The following SEPTIN4 variants were observed in gnomAD, a reference collection of about 807,000 sequenced individuals.
SEPTIN4 encodes septin-4.
SEPTIN4 carries 52 observed loss-of-function variants against 107.1 expected under a neutral mutation model. The observed-to-expected ratio is 0.49, with a 90% confidence interval of 0.39 to 0.61. The LOEUF is 0.61. SEPTIN4 is among the 20% of genes least tolerant of loss of function. The probability of loss-of-function intolerance (pLI) is 0.00; values close to 1 mark genes in which losing one functional copy is unlikely to be tolerated. For missense variants in SEPTIN4, 1,048 were observed against 1,243.5 expected (o/e 0.84, Z 2.36); for synonymous variants, 417 against 467.0 (o/e 0.89, Z 1.38).
chr17:58,520,437 C>T lies in SEPTIN4; in HGVS notation c.2980G>A (p.Glu994Lys). ...GGGCTGAAAGCCAGTTAATAGTTCTCCTTCATCTGTTTTTGTATTTTGTGT... is the reference window on the plus strand; with the variant it reads ...GGGCTGAAAGCCAGTTAATAGTTCTTCTTCATCTGTTTTTGTATTTTGTGT... ...MLHKIQKQMKENY is the reference protein window; with the variant it reads ...MLHKIQKQMKKNY The change falls in exon 14 of 14, where the codon GAG becomes AAG. Residue 994 changes from glutamate (E) to lysine (K), a missense_variant. Coordinates refer to ENST00000672673, the MANE Select transcript of SEPTIN4 (RefSeq NM_001368771.2). 6.2e-7 allele frequency: 1 copy of T among 1,613,144 alleles called. No homozygotes were observed. Among genetic ancestry groups the T allele is most frequent in the Non-Finnish European group, 8.5e-7 (1 of 1,180,026 alleles).
intron 3 of SEPTIN4, among the ~76,000 whole-genome samples, chr17:58,536,706 C>A (rs1479015300): frequency 1.3e-5 from 2 of 152,206 alleles, no homozygotes; most frequent in Non-Finnish European, 2.9e-5. Context: ...CTTCATTCAG[C>A]CCCCAAGGTG....
intron 3 of SEPTIN4, among the ~76,000 whole-genome samples, chr17:58,536,921 C>G (rs1020254824): frequency 1.3e-5 from 2 of 152,222 alleles, no homozygotes; most frequent in African/African-American, 4.8e-5. Context: ...TCTACCCAGG[C>G]CCACTGTTTC....
At chr17:58,533,094 T>C (rs1161323260) in intron 3 of SEPTIN4, among the ~76,000 whole-genome samples, 2 of 152,220 alleles carry the variant, frequency 1.3e-5, no homozygotes, top group Admixed American at 1.3e-4. Context: ...GCCAGAGGCC[T>C]GCCTGCTGTA....
chr17:58,528,803 C>G (rs1040439586), intron 3 of SEPTIN4, among the ~76,000 whole-genome samples: 20 of 152,154 alleles, frequency 1.3e-4, no homozygotes, highest in African/African-American at 4.8e-4. Flanking sequence ...CCCAGGAGCA[C>G]TGAGTGGAGG....
In SEPTIN4 at chr17:58,520,475, A is replaced by G. The variant is rs1310864767; in HGVS notation, c.2942T>C (p.Met981Thr). Reference protein sequence around the residue: ...IREKDEELRRMQEMLHKIQKQ... With the variant: ...IREKDEELRRTQEMLHKIQKQ... ...TTGTATTTTGTGTAGCATCTCCTGCATCCGCCGCAGCTGGAATAGGCACAG... is the reference window on the plus strand; with the variant it reads ...TTGTATTTTGTGTAGCATCTCCTGCGTCCGCCGCAGCTGGAATAGGCACAG... The change falls in exon 14 of 14, where the codon ATG becomes ACG. Residue 981 changes from methionine to threonine, a missense_variant. By Grantham distance (81) the Met-to-Thr change is moderately conservative (BLOSUM62 -1). Around this residue, in one of 2 missense-constraint regions of SEPTIN4, gnomAD observed 261 missense variants for 371.7 expected, o/e 0.70. Transcript: ENST00000672673. The G allele has an allele frequency of 2.8e-5, 45 of 1,613,540 alleles. No homozygotes were observed. The highest frequency in any genetic ancestry group is 3.6e-5 in the Non-Finnish European group (43 of 1,180,016).
Position 58,543,162 on chromosome 17 carries a change from T to TGTA in SEPTIN4, c.1022_1024dup (p.Val341_Gln342insLeu). On this transcript the variant is annotated inframe_insertion, in exon 1 of 14. Transcript: ENST00000672673. ...CACATGGTGAGTTGGCTCTACTGAC[T>TGTA]GTACCCCTGGGGAGATGGTGACCCT... 6.2e-7 allele frequency: 1 copy of TGTA among 1,613,766 alleles called. No homozygotes were observed. The highest frequency in any genetic ancestry group is 1.7e-4 in the Middle Eastern group (1 of 6,054).
At chr17:58,523,456 C>A (rs933802441) in intron 7 of SEPTIN4, among the ~76,000 whole-genome samples, 10 of 152,086 alleles carry the variant, frequency 6.6e-5, no homozygotes, top group African/African-American at 2.4e-4. Flanking sequence ...CTCTACCCAC[C>A]TGAACCCCTA....
At chr17:58,527,232 C>A in intron 3 of SEPTIN4, 1 of 719,746 alleles carries the variant, frequency 1.4e-6, no homozygotes. Context: ...ACCCCCAGAG[C>A]CCTGGCAACT....
At position 58,543,713 on chromosome 17, in the gene SEPTIN4, C is replaced by T. The variant is rs1475233706; in HGVS notation, c.474G>A (p.Gln158=). 1.2e-6 allele frequency: 2 copies of T among 1,614,106 alleles called. No homozygotes were observed. The highest frequency in any genetic ancestry group is 1.7e-5 in the Admixed American group (1 of 60,016). Residue 158 remains glutamine, a synonymous_variant, in exon 1 of 14, where the codon CAG becomes CAA. Transcript: ENST00000672673. ...SSIPDAKSTH[Q]LSFQDQKNNL... ...TATTCTTCTGGTCTTGAAAACTCAA[C>T]TGATGAGTAGATTTGGCATCTGGGA...
rs746937638 is a variant in SEPTIN4, at chr17:58,520,471, C to A, written c.2946G>T (p.Gln982His). The change falls in exon 14 of 14, where the codon CAG becomes CAT. Residue 982 changes from glutamine (Q) to histidine (H), a missense_variant. By Grantham distance (24) the Gln-to-His change is conservative. Around this residue, in one of 2 missense-constraint regions of SEPTIN4, gnomAD observed 261 missense variants for 371.7 expected, o/e 0.70. Coordinates refer to ENST00000672673, the MANE Select transcript of SEPTIN4 (RefSeq NM_001368771.2). The part of the protein sequence containing the change: ...REKDEELRRM[Q>H]EMLHKIQKQM... The stretch of plus-strand genomic sequence containing the variant: ...GTTTTTGTATTTTGTGTAGCATCTC[C>A]TGCATCCGCCGCAGCTGGAATAGGC... The A allele has an allele frequency of 6.2e-7, 1 of 1,613,704 alleles. No individual in the cohort carries two copies. The highest frequency in any genetic ancestry group is 1.1e-5 in the South Asian group (1 of 91,054).
At chr17:58,535,711 C>T (rs746018252) in intron 3 of SEPTIN4, among the ~76,000 whole-genome samples, 1 of 152,198 alleles carries the variant, frequency 6.6e-6, no homozygotes, top group Non-Finnish European at 1.5e-5. Context: ...TTTTCTCTAC[C>T]AAATTCACCA....
chr17:58,528,069 C>A, intron 3 of SEPTIN4: 3 of 982,112 alleles, frequency 3.1e-6, no homozygotes, highest in Non-Finnish European at 3.6e-6. Context: ...CTCTGCCTCA[C>A]AATACCCACG....
intron 3 of SEPTIN4, among the ~76,000 whole-genome samples, chr17:58,537,836 A>C (rs1435658833): frequency 6.6e-6 from 1 of 151,228 alleles, no homozygotes; most frequent in Non-Finnish European, 1.5e-5. Context: ...TCTCAAAAAA[A>C]AAAAAAAAAA....
intron 3 of SEPTIN4, chr17:58,531,581 G>C (rs1167884353): frequency 6.3e-6 from 1 of 159,640 alleles, no homozygotes; most frequent in Non-Finnish European, 1.4e-5. Context: ...GTGAGGAGGG[G>C]TTACTCAGGT....
intron 12 of SEPTIN4, 44 bp from the exon 13 acceptor site, chr17:58,520,886 C>G (rs1367564707): frequency 3.1e-6 from 5 of 1,613,812 alleles, no homozygotes; most frequent in Non-Finnish European, 4.2e-6. Context: ...GACCCCAGCA[C>G]CCGCTTAGAT....
At chr17:58,523,580 C>A (rs1360458151) in intron 7 of SEPTIN4, among the ~76,000 whole-genome samples, 1 of 151,818 alleles carries the variant, frequency 6.6e-6, no homozygotes. Context: ...CCTGTTGCCA[C>A]TTGACTATAA....
chr17:58,532,045 C>G (rs2144205020), intron 3 of SEPTIN4: 1 of 1,120,216 alleles, frequency 8.9e-7, no homozygotes, highest in Non-Finnish European at 1.1e-6. Context: ...CCTCGCAGCA[C>G]CGCCGTCACC....
intron 2 of SEPTIN4, 80 bp from the exon 3 acceptor site, chr17:58,540,753 G>A: frequency 7.8e-7 from 1 of 1,283,464 alleles, no homozygotes; most frequent in Non-Finnish European, 9.9e-7. Flanking sequence ...AGGAGAAAAA[G>A]AGAAATTTAC....
Position 58,525,035 on chromosome 17 carries a change from G to C in SEPTIN4, c.2216+43C>G, listed in dbSNP as rs980806936. The C allele has an allele frequency of 1.9e-6, 3 of 1,613,104 alleles. No individual in the cohort carries two copies. The Admixed American group carries it at 5.0e-5, about 27-fold the overall frequency. On this transcript the variant is annotated intron_variant, in intron 7 of 13. Coordinates refer to ENST00000672673, the MANE Select transcript of SEPTIN4 (RefSeq NM_001368771.2). ...TACGTGTGTACCTGTGTATGGAGAA[G>C]GGTGGCTCAGGGGCAGCTGGGATTG...
Sources: allele counts gnomAD v4.1 joint callset (sites outside exome capture counted in the v4.1 genomes callset), GRCh38; gene constraint gnomAD v4.1.1; regional missense constraint gnomAD v4.1.1; transcripts MANE v1.5; gene names NCBI Gene and HGNC (gene_info 2026-07-23, HGNC 2026-07-21).